SYTL5: variants seen among roughly 807,000 people sequenced by gnomAD.
SYTL5 encodes synaptotagmin-like protein 5.
A neutral mutation model predicts 55.9 loss-of-function variants in SYTL5; 34 were observed. That is an observed-to-expected ratio of 0.61 (90% confidence interval 0.46 to 0.81). SYTL5 has a LOEUF of 0.81. SYTL5 is among the 30% of genes least tolerant of loss of function. SYTL5 has a pLI of 0.00. For synonymous variants in SYTL5, 221 were observed against 188.7 expected, an observed-to-expected ratio of 1.17 and a Z score of -1.40; for missense variants, 637 against 546.7, an observed-to-expected ratio of 1.17 and a Z score of -1.65.
At chrX:37,936,557 G>A in the SYTL5 span, among the ~76,000 whole-genome samples, 1 of 111,928 alleles carries the variant, frequency 8.9e-6, no homozygotes, top group African/African-American at 3.2e-5. Context: ...TAGAGGTCTA[G>A]ATATAATGTA....
intron 2 of SYTL5, among the ~76,000 whole-genome samples, chrX:38,046,310 CA>C (rs1004858598): frequency 1.1e-4 from 12 of 111,601 alleles, no homozygotes; most frequent in African/African-American, 2.9e-4. Context: ...GGGCAATTTA[CA>C]AAAGAAAAAG....
At chrX:38,067,491 CT>C (rs1415339039) in intron 3 of SYTL5, among the ~76,000 whole-genome samples, 1 of 111,035 alleles carries the variant, frequency 9.0e-6, no homozygotes, top group Non-Finnish European at 1.9e-5. Context: ...TACTCTTTGC[CT>C]CCTGCAAAAG....
chrX:37,897,657 G>T, the SYTL5 span, among the ~76,000 whole-genome samples: 1 of 111,333 alleles, frequency 9.0e-6, no homozygotes, highest in African/African-American at 3.3e-5. Context: ...CCAGAGACTG[G>T]GAGATGTTGG....
At chrX:38,072,540 C>T (rs775192353) in intron 4 of SYTL5, among the ~76,000 whole-genome samples, 5 of 111,904 alleles carry the variant, frequency 4.5e-5, no homozygotes, top group African/African-American at 1.3e-4. Flanking sequence ...TATTTATTTC[C>T]GATTTCCTTT....
At chrX:37,945,107 G>A in the SYTL5 span, among the ~76,000 whole-genome samples, 1 of 112,754 alleles carries the variant, frequency 8.9e-6, no homozygotes, top group Non-Finnish European at 1.9e-5. Context: ...CAGAGATATA[G>A]GTATAGTAAT....
At chrX:38,049,839 TTG>T (rs1935577605) in intron 2 of SYTL5, among the ~76,000 whole-genome samples, 1 of 112,388 alleles carries the variant, frequency 8.9e-6, no homozygotes, top group African/African-American at 3.2e-5. Flanking sequence ...CTTACAAACA[TTG>T]TCTTACTTAA....
rs993777240 is a variant in SYTL5, at chrX:38,072,312, C to T, written c.445+150C>T. On this transcript the variant is annotated intron_variant, in intron 4 of 16. Transcript: ENST00000297875. Reference sequence around the variant, plus strand: ...AACTTGGTAGCATGAAATCTAGATACGTAATTCATACAAGACAAGAAGAAG... The same window carrying T: ...AACTTGGTAGCATGAAATCTAGATATGTAATTCATACAAGACAAGAAGAAG... 5.7e-5 allele frequency: 23 copies of T among 406,427 alleles called. No individual in the cohort carries two copies. The Admixed American group carries it at 6.1e-4, about 11-fold the overall frequency. The allele number at this position is 406,427 out of a possible 1,213,427, so 33.5% of individuals were successfully genotyped here. A position where few individuals can be genotyped will look rare whatever the true frequency, so the allele number is the denominator to read the frequency against.
chrX:38,076,023 A>G (rs773839649), intron 5 of SYTL5, among the ~76,000 whole-genome samples: 10 of 111,951 alleles, frequency 8.9e-5, no homozygotes, highest in African/African-American at 2.9e-4. Context: ...AATGTCATGG[A>G]AGATAATAAA....
intron 4 of SYTL5, 140 bp from the exon 5 acceptor site, chrX:38,073,450 T>G (rs2063214998): frequency 2.2e-6 from 1 of 449,867 alleles, no homozygotes. Context: ...ACAGAAAAAC[T>G]TGGGATGGGA....
At chrX:38,081,563 A>T (rs1249289468) in intron 6 of SYTL5, among the ~76,000 whole-genome samples, 5 of 111,601 alleles carry the variant, frequency 4.5e-5, no homozygotes, top group Non-Finnish European at 9.4e-5. Flanking sequence ...AGGATTCAAG[A>T]GTAAGTAATA....
intron 6 of SYTL5, among the ~76,000 whole-genome samples, chrX:38,077,754 C>T (rs777985057): frequency 1.8e-5 from 2 of 112,141 alleles, no homozygotes; most frequent in East Asian, 5.6e-4. Context: ...TTCAAGAATG[C>T]TGATATATTC....
At chrX:37,941,103 T>C in the SYTL5 span, among the ~76,000 whole-genome samples, 4 of 111,959 alleles carry the variant, frequency 3.6e-5, no homozygotes, top group Admixed American at 3.8e-4. Context: ...ATATCATGCC[T>C]TACAATGACA....
At chrX:38,110,533 C>A (rs370460621) in intron 13 of SYTL5, 51 bp downstream of exon 13, 1 of 986,022 alleles carries the variant, frequency 1.0e-6, no homozygotes, top group Admixed American at 2.9e-5. Flanking sequence ...AAGTTATGAG[C>A]GAAATTGATG....
At position 38,033,943 on chromosome X, in the gene SYTL5, G is replaced by A; in HGVS notation, c.54G>A (p.Lys18=). 1 of 1,200,818 alleles carries A rather than the reference G, an allele frequency of 8.3e-7. No individual in the cohort carries two copies. The highest frequency in any genetic ancestry group is 1.1e-6 in the Non-Finnish European group (1 of 888,032). The change falls in exon 2 of 17, where the codon AAG becomes AAA. Residue 18 remains lysine, a synonymous_variant. Coordinates refer to ENST00000297875, the MANE Select transcript of SYTL5 (RefSeq NM_138780.3). ...TGTCATTTTTATTAGATCATGAGAAGGAAATGATCCTGGGCGTCCTAAAGA... is the reference window on the plus strand; with the variant it reads ...TGTCATTTTTATTAGATCATGAGAAAGAAATGATCCTGGGCGTCCTAAAGA... The part of the protein sequence containing the change: ...INLSFLLDHE[K]EMILGVLKRD...
At chrX:38,065,239 A>G (rs1452821187) in intron 3 of SYTL5, among the ~76,000 whole-genome samples, 1 of 111,172 alleles carries the variant, frequency 9.0e-6, no homozygotes, top group Non-Finnish European at 1.9e-5. Context: ...ATGTCATCTC[A>G]TTTTTCTTTA....
chrX:38,126,041 G>A (rs1310317511), intron 16 of SYTL5, among the ~76,000 whole-genome samples: 2 of 111,833 alleles, frequency 1.8e-5, no homozygotes, highest in Non-Finnish European at 3.8e-5. Flanking sequence ...ACTGTAACAG[G>A]GTGAATTGGA....
chrX:38,105,856 C>T (rs1222282114), intron 10 of SYTL5, among the ~76,000 whole-genome samples: 1 of 111,972 alleles, frequency 8.9e-6, no homozygotes, highest in East Asian at 2.8e-4. Flanking sequence ...TTGTCAAAAG[C>T]CTCATTCATT....
At chrX:38,008,814 T>C (rs1934079128) in intron 1 of SYTL5, among the ~76,000 whole-genome samples, 1 of 112,184 alleles carries the variant, frequency 8.9e-6, no homozygotes, top group South Asian at 3.7e-4. Flanking sequence ...TACATTCATT[T>C]ATTTATGTAT....
chrX:37,916,890 T>C, the SYTL5 span, among the ~76,000 whole-genome samples: 3 of 111,666 alleles, frequency 2.7e-5, no homozygotes, highest in African/African-American at 9.7e-5. Context: ...TTTTACCTAA[T>C]GTCCTTATTC....
Sources: allele counts gnomAD v4.1 joint callset (sites outside exome capture counted in the v4.1 genomes callset), GRCh38; gene constraint gnomAD v4.1.1; transcripts MANE v1.5; gene names NCBI Gene and HGNC (gene_info 2026-07-23, HGNC 2026-07-21).